The following ROBO2 variants were observed in gnomAD, a reference collection of about 807,000 sequenced individuals.
ROBO2 encodes the protein roundabout homolog 2.
Under a neutral mutation model 160.8 loss-of-function variants are expected in ROBO2, and 53 were observed. The observed-to-expected ratio is 0.33, with a 90% confidence interval of 0.26 to 0.41. The LOEUF (loss-of-function observed/expected upper bound fraction) is 0.41. ROBO2 is among the 10% of genes least tolerant of loss of function. ROBO2 has a pLI of 1.00. For missense variants in ROBO2, 1,577 were observed against 1,722.4 expected (o/e 0.92, Z 1.49); for synonymous variants, 664 against 611.7 (o/e 1.09, Z -1.26).
At chr3:76,422,532 A>T (rs1255171695) in intron 2 of ROBO2, among the ~76,000 whole-genome samples, 1 of 152,202 alleles carries the variant, frequency 6.6e-6, no homozygotes, top group African/African-American at 2.4e-5. Context: ...TTAACCTCTC[A>T]GGTCACTGGG....
intron 2 of ROBO2, among the ~76,000 whole-genome samples, chr3:76,099,892 A>T (rs1461817571): frequency 6.6e-6 from 1 of 152,126 alleles, no homozygotes; most frequent in Admixed American, 6.5e-5. Context: ...TGGATTCTCC[A>T]CTTGATATAT....
At chr3:77,504,668 T>C (rs1225203661) in intron 5 of ROBO2, among the ~76,000 whole-genome samples, 3 of 152,196 alleles carry the variant, frequency 2.0e-5, no homozygotes, top group African/African-American at 7.2e-5. Context: ...GCCAGACTAG[T>C]CAAATATTAT....
intron 2 of ROBO2, among the ~76,000 whole-genome samples, chr3:76,518,970 G>T (rs951969084): frequency 6.6e-6 from 1 of 152,122 alleles, no homozygotes; most frequent in Non-Finnish European, 1.5e-5. Flanking sequence ...ATCTATTTAA[G>T]AAGTAATAGC....
intron 2 of ROBO2, among the ~76,000 whole-genome samples, chr3:76,390,860 A>T (rs1474040308): frequency 3.3e-5 from 5 of 152,170 alleles, no homozygotes; most frequent in African/African-American, 1.2e-4. Context: ...TAAGGACAGT[A>T]TGTTCAGTAT....
intron 2 of ROBO2, among the ~76,000 whole-genome samples, chr3:76,513,281 C>T (rs2081191559): frequency 6.6e-6 from 1 of 152,186 alleles, no homozygotes; most frequent in South Asian, 2.1e-4. Context: ...TAATCCTCAG[C>T]TTTGCCTTAC....
intron 2 of ROBO2, among the ~76,000 whole-genome samples, chr3:76,796,713 A>G (rs1251571187): frequency 6.6e-6 from 1 of 152,118 alleles, no homozygotes; most frequent in Non-Finnish European, 1.5e-5. Context: ...AATACACTTC[A>G]CCTATAGAGA....
At chr3:76,250,298 G>A (rs771168939) in intron 2 of ROBO2, among the ~76,000 whole-genome samples, 14 of 152,014 alleles carry the variant, frequency 9.2e-5, no homozygotes, top group Non-Finnish European at 1.6e-4. Context: ...GAGATTACTT[G>A]ATGATCCTTT....
intron 2 of ROBO2, among the ~76,000 whole-genome samples, chr3:77,219,378 G>A (rs1457143627): frequency 6.9e-6 from 1 of 144,672 alleles, no homozygotes; most frequent in Non-Finnish European, 1.5e-5. Context: ...AACTTATTAA[G>A]CTTTATTTTA....
At chr3:76,157,114 G>T (rs2072437671) in intron 2 of ROBO2, among the ~76,000 whole-genome samples, 1 of 152,148 alleles carries the variant, frequency 6.6e-6, no homozygotes, top group Admixed American at 6.6e-5. Context: ...ATTTTTCCTG[G>T]CTTAGGTAGC....
At chr3:76,136,872 A>G (rs2071446649) in intron 2 of ROBO2, among the ~76,000 whole-genome samples, 2 of 152,076 alleles carry the variant, frequency 1.3e-5, no homozygotes, top group Non-Finnish European at 2.9e-5. Context: ...AAAAATGATC[A>G]TGTACAGAAG....
intron 2 of ROBO2, among the ~76,000 whole-genome samples, chr3:77,464,573 A>G (rs1317532242): frequency 6.6e-6 from 1 of 152,164 alleles, no homozygotes; most frequent in Non-Finnish European, 1.5e-5. Flanking sequence ...TTCAGCCTGA[A>G]TTTCCTGGAA....
At chr3:77,170,791 AAAT>A (rs1226120970) in intron 2 of ROBO2, among the ~76,000 whole-genome samples, 1 of 152,182 alleles carries the variant, frequency 6.6e-6, no homozygotes, top group Non-Finnish European at 1.5e-5. Context: ...ATTAAAAATA[AAAT>A]AATCGACCCA....
chr3:76,251,693 G>T (rs889571845), intron 2 of ROBO2, among the ~76,000 whole-genome samples: 1 of 152,044 alleles, frequency 6.6e-6, no homozygotes, highest in Non-Finnish European at 1.5e-5. Flanking sequence ...GAAATTAAAA[G>T]AAACAGTCAA....
intron 2 of ROBO2, among the ~76,000 whole-genome samples, chr3:77,416,170 G>A (rs1277907413): frequency 2.0e-5 from 3 of 152,184 alleles, no homozygotes; most frequent in African/African-American, 7.2e-5. Flanking sequence ...CTTTGTGTGA[G>A]GGGGAGGGCC....
At chr3:76,123,514 T>C (rs2070838739) in intron 2 of ROBO2, among the ~76,000 whole-genome samples, 1 of 152,144 alleles carries the variant, frequency 6.6e-6, no homozygotes, top group Non-Finnish European at 1.5e-5. Context: ...TTTTTGCTGA[T>C]TTTCTGCAAA....
At chr3:77,535,165 A>C (rs1019937553) in intron 6 of ROBO2, among the ~76,000 whole-genome samples, 13 of 151,978 alleles carry the variant, frequency 8.6e-5, no homozygotes, top group Non-Finnish European at 1.5e-4. Context: ...ACCCTTCAGC[A>C]TCAGTACATT....
chr3:76,160,241 A>G (rs1339375222), intron 2 of ROBO2, among the ~76,000 whole-genome samples: 1 of 151,786 alleles, frequency 6.6e-6, no homozygotes, highest in Non-Finnish European at 1.5e-5. Flanking sequence ...TTCTCTTGTT[A>G]CTCTTCAAAG....
chr3:77,275,631 C>G (rs993407421), intron 2 of ROBO2, among the ~76,000 whole-genome samples: 7 of 152,104 alleles, frequency 4.6e-5, no homozygotes, highest in Non-Finnish European at 1.0e-4. Flanking sequence ...TTCTTTATCC[C>G]TCTTTATTTC....
chr3:76,785,715 T>A (rs2108658914), intron 2 of ROBO2, among the ~76,000 whole-genome samples: 1 of 151,352 alleles, frequency 6.6e-6, no homozygotes, highest in African/African-American at 2.4e-5. Context: ...ATATTCATAA[T>A]TTTCACTCCT....
Sources: allele counts gnomAD v4.1 joint callset (sites outside exome capture counted in the v4.1 genomes callset), GRCh38; gene constraint gnomAD v4.1.1; transcripts MANE v1.5; gene names NCBI Gene and HGNC (gene_info 2026-07-23, HGNC 2026-07-21).